RREB1: variants seen among roughly 807,000 people sequenced by gnomAD.
RREB1 encodes ras-responsive element-binding protein 1.
RREB1 carries 27 observed loss-of-function variants against 117.8 expected under a neutral mutation model. The observed-to-expected ratio is 0.23, with a 90% CI of 0.17 to 0.32. The LOEUF is 0.32. Among genes scored for constraint, RREB1 ranks in the 10% least tolerant of loss-of-function variants. The pLI is 1.00. For synonymous variants in RREB1, 1,298 were observed against 1,026.7 expected, an observed-to-expected ratio of 1.26 and a Z score of -5.05; for missense variants, 2,577 against 2,378.2, an observed-to-expected ratio of 1.08 and a Z score of -1.74.
rs2113105406 is a variant in RREB1 at position 7,229,364 on chromosome 6, G to A, written c.1265G>A (p.Gly422Asp). The A allele has an allele frequency of 1.2e-6, 2 of 1,614,146 alleles. No homozygotes were observed. The highest frequency in any genetic ancestry group is 1.7e-4 in the Middle Eastern group (1 of 6,060). ...CCTTTCGAAGCTGCTTCCCTAGGCGGTTCTCTCACAGTTCTCCCCGCGACC... is the reference window on the plus strand; with the variant it reads ...CCTTTCGAAGCTGCTTCCCTAGGCGATTCTCTCACAGTTCTCCCCGCGACC... ...LSPFEAASLG[G>D]SLTVLPATKD... Residue 422 changes from glycine to aspartate, a missense_variant, in exon 10 of 13, where the codon GGT becomes GAT. By Grantham distance (94) the Gly-to-Asp change is moderately conservative (BLOSUM62 -1). Transcript: ENST00000379938. This position sits in a 1 kb window ranked among gnomAD's most constrained non-coding sequence, Gnocchi z 4.5.
In RREB1 at chr6:7,235,520, G is replaced by A. The variant is rs185492319; in HGVS notation, c.3808+3613G>A. ...AGTTTTTTGCTTTTGTACAGACAAG[G>A]TCTCACCATGTTACCCAGGCTGTTC... On this transcript the variant is annotated intron_variant, in intron 10 of 12. Transcript: ENST00000379938. Among the ~76,000 whole-genome samples the A allele has an allele frequency of 5.3e-3, 810 of 152,320 alleles. 3 individuals carry two copies. Among genetic ancestry groups the A allele is most frequent in the Non-Finnish European group, 8.3e-3 (567 of 68,030 alleles).
At chr6:7,243,978 C>A (rs1768865096) in intron 11 of RREB1, among the ~76,000 whole-genome samples, 1 of 151,930 alleles carries the variant, frequency 6.6e-6, no homozygotes, top group South Asian at 2.1e-4. Context: ...TTAAAAATTA[C>A]CAGTCGGGCG....
chr6:7,129,502 CT>C (rs1173702282), intron 1 of RREB1, among the ~76,000 whole-genome samples: 2 of 152,186 alleles, frequency 1.3e-5, no homozygotes, highest in East Asian at 1.9e-4. Flanking sequence ...TCACTGTTTG[CT>C]TTTTGGCCTG....
intron 1 of RREB1, among the ~76,000 whole-genome samples, chr6:7,169,807 G>A (rs961654711): frequency 2.6e-5 from 4 of 152,172 alleles, no homozygotes; most frequent in African/African-American, 9.7e-5. Flanking sequence ...GAAGAATGGG[G>A]TACCACAGGA....
intron 1 of RREB1, among the ~76,000 whole-genome samples, chr6:7,145,360 T>C (rs1380832692): frequency 6.6e-6 from 1 of 152,226 alleles, no homozygotes; most frequent in African/African-American, 2.4e-5. Flanking sequence ...AGTATGTGTG[T>C]TGCTTAAAAT....
At chr6:7,202,309 G>T (rs1160014468) in intron 6 of RREB1, among the ~76,000 whole-genome samples, 1 of 152,190 alleles carries the variant, frequency 6.6e-6, no homozygotes, top group Non-Finnish European at 1.5e-5. Context: ...GCCCTATCAT[G>T]AAGATAGTCA....
At position 7,231,740 on chromosome 6, in the gene RREB1, A is replaced by G. The variant is rs1375227751; in HGVS notation, c.3641A>G (p.Asp1214Gly). ...TQDEVAGAPA[D>G]HHGPSDEEQG... is the part of the protein sequence containing the mutation. ...GATGAGGTGGCCGGAGCCCCTGCCG[A>G]CCACCATGGGCCCAGTGATGAAGAG... Residue 1214 changes from aspartate to glycine, a missense_variant, in exon 10 of 13, where the codon GAC becomes GGC. Asp to Gly is a moderately conservative substitution (Grantham distance 94, BLOSUM62 -1). Transcript: ENST00000379938. 1 of 1,613,800 alleles carries G rather than the reference A, an allele frequency of 6.2e-7. No homozygotes were observed. The highest frequency in any genetic ancestry group is 2.2e-5 in the East Asian group (1 of 44,872).
At chr6:7,200,133 GT>G (rs1210362614) in intron 6 of RREB1, among the ~76,000 whole-genome samples, 1 of 150,214 alleles carries the variant, frequency 6.7e-6, no homozygotes, top group Admixed American at 6.6e-5. Flanking sequence ...TTTACTTTGT[GT>G]TTTTTTCTTT....
chr6:7,200,108 A>G (rs757229089), intron 6 of RREB1, among the ~76,000 whole-genome samples: 1 of 152,010 alleles, frequency 6.6e-6, no homozygotes, highest in Non-Finnish European at 1.5e-5. Flanking sequence ...GACCTTCCTC[A>G]AAACATTTTT....
At chr6:7,226,987 C>T (rs1328251629) in intron 9 of RREB1, among the ~76,000 whole-genome samples, 6 of 152,136 alleles carry the variant, frequency 3.9e-5, no homozygotes, top group Admixed American at 6.5e-5. Flanking sequence ...ACACCTGTAA[C>T]GCCAGCACTT....
intron 1 of RREB1, among the ~76,000 whole-genome samples, chr6:7,141,907 C>T (rs1339567205): frequency 6.6e-6 from 1 of 152,192 alleles, no homozygotes; most frequent in Non-Finnish European, 1.5e-5. Flanking sequence ...TAAAAGGAGC[C>T]GTTTTCTGGG....
chr6:7,133,510 C>G (rs775300800), intron 1 of RREB1, among the ~76,000 whole-genome samples: 32 of 152,190 alleles, frequency 2.1e-4, no homozygotes, highest in Middle Eastern at 6.8e-3. Context: ...TCGCTTGAAC[C>G]TGGGAGTTTG....
At chr6:7,137,028 C>T (rs2113371490) in intron 1 of RREB1, among the ~76,000 whole-genome samples, 1 of 152,322 alleles carries the variant, frequency 6.6e-6, no homozygotes, top group South Asian at 2.1e-4. Flanking sequence ...AGATGTTCTT[C>T]GAGAAGATGG....
At chr6:7,151,923 G>A (rs1763142743) in intron 1 of RREB1, among the ~76,000 whole-genome samples, 1 of 152,212 alleles carries the variant, frequency 6.6e-6, no homozygotes, top group African/African-American at 2.4e-5. Context: ...GACTATGGGG[G>A]AGAAATAAAC....
chr6:7,226,278 C>CT (rs1210369612), intron 8 of RREB1, among the ~76,000 whole-genome samples, 189 bp from the exon 9 acceptor site: 1 of 152,150 alleles, frequency 6.6e-6, no homozygotes, highest in Non-Finnish European at 1.5e-5. Context: ...TAGAATACAA[C>CT]TTTTTTAAAA....
At chr6:7,143,419 A>G (rs80216075) in intron 1 of RREB1, among the ~76,000 whole-genome samples, 3,196 of 152,276 alleles carry the variant, frequency 0.021, 58 homozygotes, top group Non-Finnish European at 0.034. Flanking sequence ...GTGGTGCTGA[A>G]TGTTTTCTTA....
At chr6:7,223,735 AT>A (rs1031162995) in intron 8 of RREB1, among the ~76,000 whole-genome samples, 1 of 152,182 alleles carries the variant, frequency 6.6e-6, no homozygotes, top group African/African-American at 2.4e-5. Flanking sequence ...ACACATACAC[AT>A]TCTCAGCTAA....
intron 6 of RREB1, among the ~76,000 whole-genome samples, chr6:7,198,849 T>G (rs1765795666): frequency 6.6e-6 from 1 of 152,212 alleles, no homozygotes; most frequent in African/African-American, 2.4e-5. Flanking sequence ...TTAATATGCT[T>G]TTCACTCTTG....
In RREB1 at chr6:7,167,173, G is replaced by T. The variant is rs548764193; in HGVS notation, c.-284-9482G>T. ...TGTGTACTTCCGTAATTAACCAAAC[G>T]TGAAGCTGACCAGGATTGGTTTCAG... On this transcript the variant is annotated intron_variant, in intron 1 of 12. Coordinates refer to ENST00000379938, the MANE Select transcript of RREB1 (RefSeq NM_001003699.4). 5.3e-5 allele frequency among the ~76,000 whole-genome samples: 8 copies of T among 152,254 alleles called. No individual in the cohort carries two copies. The South Asian group carries it at 1.7e-3, about 32-fold the overall frequency.
Sources: gnomAD v4.1 joint callset for allele counts (sites outside exome capture counted in the v4.1 genomes callset) on GRCh38, gnomAD v4.1.1 for gene constraint, Gnocchi (gnomAD v3.1) non-coding constraint, MANE v1.5 for transcripts, NCBI Gene and HGNC (gene_info 2026-07-23, HGNC 2026-07-21) for gene names.